INO80D: variants seen among roughly 807,000 people sequenced by gnomAD.
INO80D encodes INO80 complex subunit D.
INO80D carries 21 observed loss-of-function variants against 87.6 expected under a neutral mutation model. That is an observed-to-expected ratio of 0.24 (90% confidence interval 0.17 to 0.35). The LOEUF is 0.35. INO80D is among the 10% of genes least tolerant of loss of function. INO80D has a pLI of 1.00. For synonymous variants in INO80D, 440 were observed against 491.0 expected (o/e 0.90, Z 1.37); for missense variants, 982 against 1,280.7 (o/e 0.77, Z 3.56).
intron 1 of INO80D, among the ~76,000 whole-genome samples, chr2:206,069,465 G>A (rs1689903570): frequency 6.6e-6 from 1 of 152,044 alleles, no homozygotes; most frequent in Non-Finnish European, 1.5e-5. Flanking sequence ...TTCTAATATG[G>A]CCAAGTGTGG....
At chr2:206,008,894 T>C (rs1258412526) in intron 9 of INO80D, among the ~76,000 whole-genome samples, 1 of 152,232 alleles carries the variant, frequency 6.6e-6, no homozygotes, top group Non-Finnish European at 1.5e-5. Context: ...ATTGAAATGC[T>C]TAGCTAAAAC....
At chr2:206,027,336 T>TA (rs1048223846) in intron 6 of INO80D, among the ~76,000 whole-genome samples, 4 of 152,080 alleles carry the variant, frequency 2.6e-5, no homozygotes, top group Non-Finnish European at 4.4e-5. Context: ...ATTTTTTTCT[T>TA]AAAAAAAATT....
At chr2:206,042,695 G>A (rs1278146102) in intron 5 of INO80D, among the ~76,000 whole-genome samples, 2 of 116,402 alleles carry the variant, frequency 1.7e-5, no homozygotes, top group Admixed American at 8.4e-5. Context: ...AAAAAAAAAA[G>A]CCTTTAGGGC....
At chr2:206,037,866 G>T (rs1189622136) in intron 5 of INO80D, among the ~76,000 whole-genome samples, 1 of 152,166 alleles carries the variant, frequency 6.6e-6, no homozygotes, top group Non-Finnish European at 1.5e-5. Flanking sequence ...AAAATGTGTT[G>T]TATGTATACA....
rs1030174197 is a variant in INO80D at position 206,062,792 on chromosome 2, C to T, written c.218+7G>A. ...ATCAAGGATTGATTCTCATGATTAG[C>T]CCTTACCTACGATCCTCTGATTTGG... On this transcript the variant is annotated splice_region_variant and intron_variant, in intron 3 of 10. Coordinates refer to ENST00000403263, the MANE Select transcript of INO80D (RefSeq NM_017759.5). The surrounding 1 kb of genome is among the most constrained non-coding windows in gnomAD (Gnocchi z 4.6). 1.3e-6 allele frequency: 2 copies of T among 1,596,048 alleles called. No individual in the cohort carries two copies. Among genetic ancestry groups the T allele is most frequent in the Non-Finnish European group, 1.7e-6 (2 of 1,173,808 alleles).
At chr2:206,024,967 G>T (rs1337159564) in intron 6 of INO80D, among the ~76,000 whole-genome samples, 1 of 151,916 alleles carries the variant, frequency 6.6e-6, no homozygotes, top group South Asian at 2.1e-4. Flanking sequence ...TGTTGGCCAG[G>T]CTGGTCTCGA....
At chr2:206,023,352 A>G (rs1688517797) in intron 6 of INO80D, among the ~76,000 whole-genome samples, 1 of 152,094 alleles carries the variant, frequency 6.6e-6, no homozygotes, top group African/African-American at 2.4e-5. Flanking sequence ...GCATGCAACT[A>G]AAAGTTGACT....
At chr2:206,024,139 A>G (rs1688540477) in intron 6 of INO80D, among the ~76,000 whole-genome samples, 1 of 152,194 alleles carries the variant, frequency 6.6e-6, no homozygotes, top group African/African-American at 2.4e-5. Context: ...TTATTTTATA[A>G]CCTGTGTCAA....
chr2:206,049,620 A>C (rs1275429579), intron 4 of INO80D, among the ~76,000 whole-genome samples: 3 of 152,178 alleles, frequency 2.0e-5, no homozygotes, highest in Non-Finnish European at 4.4e-5. Flanking sequence ...TGGCTTCATT[A>C]TCACTAGTTT....
At chr2:206,042,214 G>A (rs761759056) in intron 5 of INO80D, among the ~76,000 whole-genome samples, 46 of 152,106 alleles carry the variant, frequency 3.0e-4, no homozygotes, top group African/African-American at 1.0e-3. Context: ...TTAGAGGGAA[G>A]TGTATAACAT....
intron 1 of INO80D, among the ~76,000 whole-genome samples, chr2:206,079,314 C>G (rs1286834277): frequency 6.6e-6 from 1 of 152,130 alleles, no homozygotes; most frequent in Non-Finnish European, 1.5e-5. Flanking sequence ...CTCAAGTGAT[C>G]CGCCCACCTT....
chr2:206,085,121 G>C lies in INO80D; in HGVS notation c.-124+780C>G, dbSNP rs1276370744. 6.6e-6 allele frequency among the ~76,000 whole-genome samples: 1 copy of C among 152,010 alleles called. No homozygotes were observed. Among genetic ancestry groups the C allele is most frequent in the African/African-American group, 2.4e-5 (1 of 41,430 alleles). On this transcript the variant is annotated intron_variant, in intron 1 of 10. Coordinates refer to ENST00000403263, the MANE Select transcript of INO80D (RefSeq NM_017759.5). This position sits in a 1 kb window ranked among gnomAD's most constrained non-coding sequence, Gnocchi z 4.5. ...GCTCCCCCACGCCCTGGGGGGTCCC[G>C]GGCGCTAGGACCAGGGCTCCCCGGA...
At chr2:206,027,754 T>C (rs181361409) in intron 6 of INO80D, among the ~76,000 whole-genome samples, 1 of 152,062 alleles carries the variant, frequency 6.6e-6, no homozygotes, top group Non-Finnish European at 1.5e-5. Context: ...AAATAACACA[T>C]GTAAATAAAC....
intron 1 of INO80D, among the ~76,000 whole-genome samples, chr2:206,075,696 C>T (rs1043114087): frequency 1.3e-5 from 2 of 151,636 alleles, no homozygotes; most frequent in Non-Finnish European, 2.9e-5. Flanking sequence ...CCTCGGCCTC[C>T]CAAAGTGCTG....
At chr2:206,084,592 A>G (rs1690383853) in intron 1 of INO80D, 1 of 152,146 alleles carries the variant, frequency 6.6e-6, no homozygotes, top group Admixed American at 6.6e-5. Flanking sequence ...AGTGACCAAA[A>G]AGGAGGGGAA....
chr2:206,000,250 C>T lies in INO80D; in HGVS notation c.*4118G>A, dbSNP rs1160519051. 2.0e-5 allele frequency: 3 copies of T among 151,664 alleles called. No homozygotes were observed. The highest frequency in any genetic ancestry group is 4.2e-4 in the South Asian group (2 of 4,776). 9.4% of individuals were successfully genotyped at this position (151,664 alleles called of 1,614,324 possible). A position where few individuals can be genotyped will look rare whatever the true frequency, so the allele number is the denominator to read the frequency against. ...AAACTAATTTTTAATGAATTTCAAA[C>T]CTCTTAATAAGTTTAGTGTTCATAT... On this transcript the variant is annotated 3_prime_UTR_variant, in exon 11 of 11. Coordinates refer to ENST00000403263, the MANE Select transcript of INO80D (RefSeq NM_017759.5).
At chr2:206,034,672 G>A (rs1439433899) in intron 5 of INO80D, among the ~76,000 whole-genome samples, 2 of 149,314 alleles carry the variant, frequency 1.3e-5, no homozygotes, top group East Asian at 3.9e-4. Flanking sequence ...CATTCCCTCT[G>A]AGAACTGGAA....
At position 206,062,057 on chromosome 2, in the gene INO80D, C is replaced by T. The variant is rs991360258; in HGVS notation, c.218+742G>A. 1.4e-4 allele frequency among the ~76,000 whole-genome samples: 21 copies of T among 152,214 alleles called. No individual in the cohort carries two copies. The highest frequency in any genetic ancestry group is 2.5e-4 in the Non-Finnish European group (17 of 67,992). ...CCTAACAATATGAAAGATGAATAAC[C>T]AGTATAAGACTCCTTTAAAAACAAT... On this transcript the variant is annotated intron_variant, in intron 3 of 10. Coordinates refer to ENST00000403263, the MANE Select transcript of INO80D (RefSeq NM_017759.5). This position sits in a 1 kb window ranked among gnomAD's most constrained non-coding sequence, Gnocchi z 4.6.
intron 5 of INO80D, among the ~76,000 whole-genome samples, chr2:206,042,549 G>A (rs1233629969): frequency 6.6e-6 from 1 of 152,024 alleles, no homozygotes; most frequent in African/African-American, 2.4e-5. Context: ...AGGCGTGGTG[G>A]CTGGCGCCTG....
Sources: gnomAD v4.1 joint callset for allele counts (sites outside exome capture counted in the v4.1 genomes callset) on GRCh38, gnomAD v4.1.1 for gene constraint, Gnocchi (gnomAD v3.1) non-coding constraint, MANE v1.5 for transcripts, NCBI Gene and HGNC (gene_info 2026-07-23, HGNC 2026-07-21) for gene names.